The following CNTN5 variants were observed in gnomAD, a reference collection of about 807,000 sequenced individuals.
CNTN5 encodes contactin 5, also known as contactin-5.
In CNTN5, 77 loss-of-function variants were observed where a neutral mutation model predicts 129.1. The ratio of observed to expected loss-of-function variants is 0.60; its 90% CI spans 0.50 to 0.72. The LOEUF (loss-of-function observed/expected upper bound fraction) is 0.72. Among genes scored for constraint, CNTN5 ranks in the 30% least tolerant of loss-of-function variants. The pLI, the probability that CNTN5 is intolerant of heterozygous loss-of-function variation, is 0.00. For synonymous variants in CNTN5, 509 were observed against 465.6 expected (o/e 1.09, Z -1.20); for missense variants, 1,478 against 1,328.8 (o/e 1.11, Z -1.75).
chr11:100,130,659 T>C (rs1265174567), intron 13 of CNTN5, among the ~76,000 whole-genome samples: 1 of 151,982 alleles, frequency 6.6e-6, no homozygotes, highest in Non-Finnish European at 1.5e-5. Context: ...GGCTTACTTA[T>C]TGTTAGTTTT....
chr11:100,339,790 T>C (rs1952120978), intron 21 of CNTN5, among the ~76,000 whole-genome samples: 1 of 152,176 alleles, frequency 6.6e-6, no homozygotes, highest in Non-Finnish European at 1.5e-5. Flanking sequence ...AGCTTAATTG[T>C]GGGACAGTCA....
intron 1 of CNTN5, among the ~76,000 whole-genome samples, chr11:99,158,604 G>A (rs1237098438): frequency 6.6e-6 from 1 of 152,058 alleles, no homozygotes; most frequent in Non-Finnish European, 1.5e-5. Flanking sequence ...CAAATGAAAT[G>A]AACGCGAGGT....
At chr11:100,105,358 T>G (rs1432326032) in intron 13 of CNTN5, among the ~76,000 whole-genome samples, 1 of 152,110 alleles carries the variant, frequency 6.6e-6, no homozygotes, top group African/African-American at 2.4e-5. Flanking sequence ...TTTGCATCTG[T>G]GTGGATAGAG....
At chr11:100,087,178 T>C (rs896629988) in intron 13 of CNTN5, among the ~76,000 whole-genome samples, 14 of 151,156 alleles carry the variant, frequency 9.3e-5, no homozygotes, top group African/African-American at 3.4e-4. Context: ...TAAGCACAGA[T>C]GCCATAAACA....
chr11:99,730,861 C>T (rs1008801249), intron 3 of CNTN5, among the ~76,000 whole-genome samples: 1 of 152,144 alleles, frequency 6.6e-6, no homozygotes, highest in East Asian at 1.9e-4. Flanking sequence ...TGTAGTCACT[C>T]TGCTGTGCTA....
chr11:100,105,376 G>C (rs183181675), intron 13 of CNTN5, among the ~76,000 whole-genome samples: 1 of 152,140 alleles, frequency 6.6e-6, no homozygotes, highest in Non-Finnish European at 1.5e-5. Flanking sequence ...GAGGGATCTT[G>C]CTTCATTTGC....
intron 3 of CNTN5, among the ~76,000 whole-genome samples, chr11:99,791,707 A>G (rs971536654): frequency 2.0e-5 from 3 of 152,202 alleles, no homozygotes; most frequent in Admixed American, 2.0e-4. Flanking sequence ...TGCTTTGGGC[A>G]GTTTGGCATT....
intron 16 of CNTN5, chr11:100,225,362 A>C (rs1949349553): frequency 6.6e-6 from 1 of 152,404 alleles, no homozygotes; most frequent in Admixed American, 6.5e-5. Context: ...GAAACAGTAC[A>C]CCAAATTCTG....
At chr11:100,142,883 T>A (rs1946738435) in intron 13 of CNTN5, among the ~76,000 whole-genome samples, 1 of 152,162 alleles carries the variant, frequency 6.6e-6, no homozygotes, top group African/African-American at 2.4e-5. Context: ...ATTGTCCACG[T>A]GGATGGCTGA....
At chr11:100,137,178 A>G (rs1411857943) in intron 13 of CNTN5, among the ~76,000 whole-genome samples, 1 of 152,086 alleles carries the variant, frequency 6.6e-6, no homozygotes, top group Non-Finnish European at 1.5e-5. Flanking sequence ...TTATATGTAA[A>G]TCATTCTTCC....
chr11:99,956,892 C>A lies in CNTN5; in HGVS notation c.760C>A (p.Leu254Ile), dbSNP rs369374416. 1 of 1,613,874 alleles carries A rather than the reference C, an allele frequency of 6.2e-7. No homozygotes were observed. The highest frequency in any genetic ancestry group is 2.2e-5 in the East Asian group (1 of 44,854). The change falls in exon 8 of 25, where the codon CTT (leucine) becomes ATT (isoleucine). Residue 254 changes from leucine to isoleucine, a missense_variant. Coordinates refer to ENST00000524871, the MANE Select transcript of CNTN5 (RefSeq NM_014361.4). ...GTTCATCTCCCAGGAGACAGGCAAC[C>A]TTTATATTTCTAAAGTCCAAACATC... is the stretch of plus-strand genomic sequence containing the variant. ...RRFISQETGN[L>I]YISKVQTSDV...
chr11:99,699,358 T>A (rs1954416627), intron 3 of CNTN5, among the ~76,000 whole-genome samples: 1 of 151,476 alleles, frequency 6.6e-6, no homozygotes, highest in African/African-American at 2.4e-5. Flanking sequence ...AAAGTATATG[T>A]CCTAATTTGA....
intron 3 of CNTN5, among the ~76,000 whole-genome samples, chr11:99,776,509 T>G (rs1214294177): frequency 6.6e-6 from 1 of 151,910 alleles, no homozygotes; most frequent in Non-Finnish European, 1.5e-5. Flanking sequence ...TAACTCATAC[T>G]GAGCTTAAAA....
chr11:100,204,397 TC>T (rs1251549011), intron 15 of CNTN5, among the ~76,000 whole-genome samples: 1 of 141,276 alleles, frequency 7.1e-6, no homozygotes, highest in African/African-American at 2.6e-5. Context: ...TCTATATATC[TC>T]TCATTGATCT....
intron 2 of CNTN5, among the ~76,000 whole-genome samples, chr11:99,326,971 G>A (rs1330909497): frequency 2.0e-5 from 3 of 152,136 alleles, no homozygotes; most frequent in Non-Finnish European, 2.9e-5. Context: ...GTCTATAAAC[G>A]TAAACATCTT....
intron 8 of CNTN5, among the ~76,000 whole-genome samples, chr11:100,001,788 A>G (rs1044945119): frequency 6.6e-6 from 1 of 152,228 alleles, no homozygotes; most frequent in Non-Finnish European, 1.5e-5. Flanking sequence ...TTGATTAACA[A>G]TTTCAATAAT....
intron 1 of CNTN5, among the ~76,000 whole-genome samples, chr11:99,299,475 A>T (rs1342557478): frequency 6.6e-6 from 1 of 152,198 alleles, no homozygotes; most frequent in Non-Finnish European, 1.5e-5. Context: ...GTGAACTTAG[A>T]GGTAAACCAA....
intron 3 of CNTN5, among the ~76,000 whole-genome samples, chr11:99,720,212 A>T (rs1294553430): frequency 6.6e-6 from 1 of 152,162 alleles, no homozygotes; most frequent in Non-Finnish European, 1.5e-5. Context: ...TGGCAGAGCC[A>T]TAGCAACAAC....
At chr11:99,968,951 C>T (rs770688653) in intron 8 of CNTN5, among the ~76,000 whole-genome samples, 1 of 151,728 alleles carries the variant, frequency 6.6e-6, no homozygotes, top group Non-Finnish European at 1.5e-5. Context: ...CTATGTGTCT[C>T]TCTGGAAAGC....
Sources: gnomAD v4.1 joint callset for allele counts (sites outside exome capture counted in the v4.1 genomes callset) on GRCh38, gnomAD v4.1.1 for gene constraint, MANE v1.5 for transcripts, NCBI Gene and HGNC (gene_info 2026-07-23, HGNC 2026-07-21) for gene names.